The following TRPC3 variants were observed in gnomAD, a reference collection of about 807,000 sequenced individuals.
The protein encoded by TRPC3 is short transient receptor potential channel 3.
Under a neutral mutation model 90.9 loss-of-function variants are expected in TRPC3, and 54 were observed. That is an observed-to-expected ratio of 0.59 (90% confidence interval 0.48 to 0.75). The LOEUF is 0.75. Among genes scored for constraint, TRPC3 ranks in the 30% least tolerant of loss-of-function variants. The pLI, the probability that TRPC3 is intolerant of heterozygous loss-of-function variation, is 0.00. For synonymous variants in TRPC3, 424 were observed against 450.9 expected (o/e 0.94, Z 0.75); for missense variants, 918 against 1,194.5 (o/e 0.77, Z 3.41).
At position 121,888,566 on chromosome 4, in the gene TRPC3, T is replaced by TG. The variant is rs1412535733; in HGVS notation, c.2548-6138_2548-6137insC. On this transcript the variant is annotated intron_variant, in intron 10 of 11. Transcript: ENST00000379645. Reference sequence around the variant, plus strand: ...CTATTTAGCAGACCAAGTTCTGTTTTTTTTTTTTTTAGTAGAGACAGGGTT... The same window carrying TG: ...CTATTTAGCAGACCAAGTTCTGTTTTGTTTTTTTTTTAGTAGAGACAGGGTT... 2.0e-5 allele frequency among the ~76,000 whole-genome samples: 3 copies of TG among 152,116 alleles called. No individual in the cohort carries two copies. The East Asian group carries it at 5.8e-4, about 29-fold the overall frequency.
Position 121,878,479 on chromosome 4 carries a change from A to G in TRPC3, c.*1257T>C, listed in dbSNP as rs1727834222. On this transcript the variant is annotated 3_prime_UTR_variant, in exon 12 of 12. Transcript: ENST00000379645. ...GACTCAGGATGTTAAACATAACTCTATGAGAGATTTAAACCTAGCTGGTTA... is the reference window on the plus strand; with the variant it reads ...GACTCAGGATGTTAAACATAACTCTGTGAGAGATTTAAACCTAGCTGGTTA... Among the ~76,000 whole-genome samples the G allele has an allele frequency of 6.6e-6, 1 of 152,182 alleles. No homozygotes were observed. Among genetic ancestry groups the G allele is most frequent in the African/African-American group, 2.4e-5 (1 of 41,440 alleles).
chr4:121,880,555 T>G (rs986627157), intron 11 of TRPC3, among the ~76,000 whole-genome samples: 4 of 152,154 alleles, frequency 2.6e-5, no homozygotes, highest in Non-Finnish European at 5.9e-5. Context: ...AAAAATAAAT[T>G]GCTCCCATAA....
At chr4:121,919,709 C>T (rs1045976974) in intron 3 of TRPC3, among the ~76,000 whole-genome samples, 1 of 152,204 alleles carries the variant, frequency 6.6e-6, no homozygotes, top group Admixed American at 6.5e-5. Flanking sequence ...CCTGTTTATA[C>T]TGCTGCATGT....
At chr4:121,916,318 C>G (rs1056618344) in intron 3 of TRPC3, among the ~76,000 whole-genome samples, 2 of 152,202 alleles carry the variant, frequency 1.3e-5, no homozygotes, top group Non-Finnish European at 2.9e-5. Flanking sequence ...CCTTTGCCCC[C>G]AGAGTGCACC....
Position 121,904,538 on chromosome 4 carries a change from A to C in TRPC3, c.2058-21T>G, listed in dbSNP as rs182367039. On this transcript the variant is annotated intron_variant, in intron 7 of 11. Transcript: ENST00000379645. ...CTACACTGTTGAAAAAATAAGATAC[A>C]AAGTAAGTAAGTTAACAGTTTTCAA... is the stretch of plus-strand genomic sequence containing the variant. The C allele has an allele frequency of 6.9e-5, 104 of 1,507,696 alleles. 1 individual carries two copies. The East Asian group carries it at 2.4e-3, about 35-fold the overall frequency. 93.4% of individuals were successfully genotyped at this position (1,507,696 alleles called of 1,614,324 possible).
At chr4:121,907,698 T>A in intron 6 of TRPC3, 131 bp from the exon 7 acceptor site, 1 of 951,544 alleles carries the variant, frequency 1.1e-6, no homozygotes, top group Non-Finnish European at 1.5e-6. Context: ...AATCTAGATT[T>A]AATTAACTGT....
intron 3 of TRPC3, among the ~76,000 whole-genome samples, chr4:121,915,782 C>T (rs755918401): frequency 3.3e-5 from 5 of 152,046 alleles, no homozygotes; most frequent in Non-Finnish European, 7.4e-5. Flanking sequence ...TGTTCTTATT[C>T]AAGAAGCAGA....
In TRPC3 at chr4:121,951,796, G is replaced by GAA; in HGVS notation, c.-117_-116insTT. 5.1e-6 allele frequency: 4 copies of GAA among 778,942 alleles called. No homozygotes were observed. Among genetic ancestry groups the GAA allele is most frequent in the Non-Finnish European group, 7.1e-6 (4 of 559,816 alleles). 48.3% of individuals were successfully genotyped at this position (778,942 alleles called of 1,614,324 possible). On this transcript the variant is annotated 5_prime_UTR_variant, in exon 1 of 12. An upstream open reading frame in the 5' UTR gains an earlier in-frame stop. Coordinates refer to ENST00000379645, the MANE Select transcript of TRPC3 (RefSeq NM_001130698.2). This position sits in a 1 kb window ranked among gnomAD's most constrained non-coding sequence, Gnocchi z 4.4. ...ACCTCCCGCGGCTTCCGGGGCCCCG[G>GAA]GCGGCCCAGGGCGGGAAGGCAGGAG...
intron 8 of TRPC3, among the ~76,000 whole-genome samples, chr4:121,903,370 T>C (rs1728768607): frequency 6.6e-6 from 1 of 152,112 alleles, no homozygotes; most frequent in Admixed American, 6.6e-5. Context: ...GATTAATTCC[T>C]CCCTCTGTCC....
chr4:121,950,158 G>A (rs1360189623), intron 1 of TRPC3, among the ~76,000 whole-genome samples: 4 of 152,168 alleles, frequency 2.6e-5, no homozygotes, highest in Admixed American at 2.6e-4. Flanking sequence ...ACCACATCGG[G>A]ATGCGTCGCT....
In TRPC3 at chr4:121,943,650, T is replaced by C. The variant is rs1471958649; in HGVS notation, c.215+7816A>G. Among the ~76,000 whole-genome samples, 5 of 152,146 alleles carry C rather than the reference T, an allele frequency of 3.3e-5. No homozygotes were observed. The East Asian group carries it at 7.7e-4, about 23-fold the overall frequency. On this transcript the variant is annotated intron_variant, in intron 1 of 11. Coordinates refer to ENST00000379645, the MANE Select transcript of TRPC3 (RefSeq NM_001130698.2). ...AACAAGAATTCAGACAAAATGACCA[T>C]AGATAATAAAATTAAGGAACTTCTA... is the stretch of plus-strand genomic sequence containing the variant.
chr4:121,898,218 GA>G (rs1280382210), intron 10 of TRPC3, among the ~76,000 whole-genome samples: 1 of 152,074 alleles, frequency 6.6e-6, no homozygotes, highest in African/African-American at 2.4e-5. Flanking sequence ...ATTACCGCTA[GA>G]TAGGAGGAAT....
rs1656401283 is a variant in TRPC3 at position 121,951,443 on chromosome 4, C to T, written c.215+23G>A. ...CCGGCACCGCCCTCCGAGGCGCGGG[C>T]CGCGGCCGGGCCCGGTACTCACAGG... On this transcript the variant is annotated intron_variant, in intron 1 of 11. Coordinates refer to ENST00000379645, the MANE Select transcript of TRPC3 (RefSeq NM_001130698.2). The surrounding 1 kb of genome is among the most constrained non-coding windows in gnomAD (Gnocchi z 4.4). 4 of 1,192,716 alleles carry T rather than the reference C, an allele frequency of 3.4e-6. No homozygotes were observed. Among genetic ancestry groups the T allele is most frequent in the Non-Finnish European group, 4.2e-6 (4 of 962,250 alleles). 73.9% of individuals were successfully genotyped at this position (1,192,716 alleles called of 1,614,324 possible). A position where few individuals can be genotyped will look rare whatever the true frequency, so the allele number is the denominator to read the frequency against.
intron 3 of TRPC3, 60 bp from the exon 4 acceptor site, chr4:121,915,004 A>T: frequency 1.4e-6 from 2 of 1,439,294 alleles, no homozygotes; most frequent in Non-Finnish European, 1.9e-6. Flanking sequence ...TACCATTGTC[A>T]ATAGCTCAAC....
chr4:121,943,730 T>C (rs1397046100), intron 1 of TRPC3, among the ~76,000 whole-genome samples: 1 of 152,072 alleles, frequency 6.6e-6, no homozygotes, highest in African/African-American at 2.4e-5. Context: ...ATTATATATA[T>C]ATAGTTATTA....
rs760207813 is a variant in TRPC3 at position 121,918,685 on chromosome 4, CT to C, written c.1177-3742del. On this transcript the variant is annotated intron_variant, in intron 3 of 11. Coordinates refer to ENST00000379645, the MANE Select transcript of TRPC3 (RefSeq NM_001130698.2). ...TATTTCCTATGCTTCTAATTCTACT[CT>C]TTTTTTTGAGATAATTATACACGAC... Among the ~76,000 whole-genome samples the C allele has an allele frequency of 8.6e-5, 13 of 152,030 alleles. No individual in the cohort carries two copies. In the South Asian group the frequency reaches 1.9e-3, roughly 22 times the overall value.
intron 3 of TRPC3, among the ~76,000 whole-genome samples, chr4:121,918,627 C>T (rs1729401258): frequency 6.6e-6 from 1 of 152,118 alleles, no homozygotes; most frequent in African/African-American, 2.4e-5. Flanking sequence ...TTGCATTTTG[C>T]CTGTTACACT....
At chr4:121,922,125 T>C (rs1729543626) in intron 3 of TRPC3, among the ~76,000 whole-genome samples, 2 of 151,940 alleles carry the variant, frequency 1.3e-5, no homozygotes. Flanking sequence ...GGTTTCACCA[T>C]GTTAGCCAGG....
chr4:121,879,507 T>C lies in TRPC3; in HGVS notation c.*229A>G. The C allele has an allele frequency of 2.1e-6, 1 of 467,354 alleles. No homozygotes were observed. Among genetic ancestry groups the C allele is most frequent in the Non-Finnish European group, 3.7e-6 (1 of 270,788 alleles). The allele number at this position is 467,354 out of a possible 1,614,324, so 29.0% of individuals were successfully genotyped here. The stretch of plus-strand genomic sequence containing the variant: ...AATAAAAGTTTCAATAATATAGTAA[T>C]ATTGGGCTTTTCAACACAATGGTAT... On this transcript the variant is annotated 3_prime_UTR_variant, in exon 12 of 12. Transcript: ENST00000379645.
Sources: allele counts gnomAD v4.1 joint callset (sites outside exome capture counted in the v4.1 genomes callset), GRCh38; gene constraint gnomAD v4.1.1; non-coding constraint Gnocchi (gnomAD v3.1); transcripts MANE v1.5; gene names NCBI Gene and HGNC (gene_info 2026-07-23, HGNC 2026-07-21).